SLC4A5: variants seen among roughly 807,000 people sequenced by gnomAD.
SLC4A5 encodes the protein solute carrier family 4 member 5, also known as electrogenic sodium bicarbonate cotransporter 4.
Under a neutral mutation model 120.4 loss-of-function variants are expected in SLC4A5, and 96 were observed. The observed-to-expected ratio is 0.80, with a 90% CI of 0.68 to 0.94. SLC4A5 has a LOEUF of 0.94. Among genes scored for constraint, SLC4A5 ranks in the 40% least tolerant of loss-of-function variants. The pLI, the probability that SLC4A5 is intolerant of heterozygous loss-of-function variation, is 0.00. For missense variants in SLC4A5, 1,259 were observed against 1,459.5 expected, an observed-to-expected ratio of 0.86 and a Z score of 2.24; for synonymous variants, 550 against 571.1, an observed-to-expected ratio of 0.96 and a Z score of 0.53.
chr2:74,288,402 T>C (rs1672053017), intron 7 of SLC4A5, among the ~76,000 whole-genome samples: 1 of 152,194 alleles, frequency 6.6e-6, no homozygotes, highest in Non-Finnish European at 1.5e-5. Context: ...AATAAGCTAA[T>C]AAAATCAATC....
rs897150809 is a variant in SLC4A5 at position 74,253,687 on chromosome 2, T to A, written c.1114-559A>T. ...TCTTTGAGGCCGAAGCAAATCTGAC[T>A]GATTTTCAATGTGAAAATGCAATAT... is the stretch of plus-strand genomic sequence containing the variant. On this transcript the variant is annotated intron_variant, in intron 14 of 30. Coordinates refer to ENST00000394019, the Ensembl canonical transcript of SLC4A5. 3.3e-5 allele frequency among the ~76,000 whole-genome samples: 5 copies of A among 152,224 alleles called. No homozygotes were observed. In the South Asian group the frequency reaches 1.0e-3, roughly 31 times the overall value.
intron 8 of SLC4A5, among the ~76,000 whole-genome samples, chr2:74,274,769 G>A (rs980804557): frequency 1.3e-5 from 2 of 152,342 alleles, no homozygotes; most frequent in South Asian, 2.1e-4. Flanking sequence ...ATTTACAATC[G>A]TTATAGGGGT....
exon 16 of SLC4A5, chr2:74,252,259 CCCGCCACTGCCAGCCCCG>C (rs776315201): frequency 4.5e-5 from 72 of 1,609,402 alleles, no homozygotes; most frequent in Non-Finnish European, 5.8e-5. Flanking sequence ...TTCCGCCGGC[CCCGCCACTGCCAGCCCCG>C]CCGCCACTGC....
At chr2:74,279,166 T>C (rs1224228074) in intron 8 of SLC4A5, among the ~76,000 whole-genome samples, 1 of 152,228 alleles carries the variant, frequency 6.6e-6, no homozygotes, top group Admixed American at 6.5e-5. Context: ...GCCCATGTTC[T>C]CCTTAAGAGG....
exon 19 of SLC4A5, chr2:74,247,150 T>C: frequency 1.9e-6 from 3 of 1,614,174 alleles, no homozygotes; most frequent in Non-Finnish European, 1.7e-6. Flanking sequence ...GCATCGTAGA[T>C]GAAGATGAAG....
chr2:74,303,109 TGTGTGTGC>T (rs535821223), intron 7 of SLC4A5, among the ~76,000 whole-genome samples: 11 of 151,452 alleles, frequency 7.3e-5, no homozygotes, highest in Admixed American at 2.0e-4. Flanking sequence ...GCATGTGGTG[TGTGTGTGC>T]GTGTGTGTGT....
exon 31 of SLC4A5, chr2:74,218,121 T>C (rs1572994696): frequency 6.6e-6 from 1 of 152,202 alleles, no homozygotes; most frequent in East Asian, 1.9e-4. Flanking sequence ...ACTTTTCATA[T>C]AACCCTTAGG....
chr2:74,236,552 C>T (rs912980398), intron 21 of SLC4A5, among the ~76,000 whole-genome samples: 2 of 152,136 alleles, frequency 1.3e-5, no homozygotes, highest in Non-Finnish European at 2.9e-5. Context: ...AAACACATGG[C>T]TTGTGTGTTT....
chr2:74,254,955 G>A (rs1431644086), intron 13 of SLC4A5, among the ~76,000 whole-genome samples: 1 of 152,024 alleles, frequency 6.6e-6, no homozygotes, highest in African/African-American at 2.4e-5. Flanking sequence ...GAGTAGCTGG[G>A]ACTACAGGCG....
chr2:74,310,709 T>G (rs967321088), intron 6 of SLC4A5, among the ~76,000 whole-genome samples: 2 of 152,140 alleles, frequency 1.3e-5, no homozygotes, highest in African/African-American at 4.8e-5. Context: ...CTGCTAGCAT[T>G]TTGTTGAGGA....
chr2:74,299,872 C>T (rs1441688841), intron 7 of SLC4A5, among the ~76,000 whole-genome samples: 1 of 152,188 alleles, frequency 6.6e-6, no homozygotes, highest in Non-Finnish European at 1.5e-5. Context: ...TCTGGGTATA[C>T]ACCCAAAGGA....
At chr2:74,247,343 C>T in intron 18 of SLC4A5, 36 bp from the exon 19 acceptor site, 1 of 1,592,770 alleles carries the variant, frequency 6.3e-7, no homozygotes, top group Non-Finnish European at 8.6e-7. Context: ...GCCTCCAGCC[C>T]AGGGCTCCTG....
intron 4 of SLC4A5, among the ~76,000 whole-genome samples, chr2:74,330,850 G>A (rs1211319182): frequency 7.8e-6 from 1 of 127,818 alleles, no homozygotes; most frequent in Non-Finnish European, 1.7e-5. Context: ...TATGGTGTAG[G>A]TGTAGGTGGT....
chr2:74,262,043 T>A, intron 11 of SLC4A5, 94 bp downstream of exon 11: 2 of 1,161,596 alleles, frequency 1.7e-6, no homozygotes, highest in Non-Finnish European at 2.4e-6. Flanking sequence ...TGGCAGATCC[T>A]GGGCTTTGTC....
intron 25 of SLC4A5, among the ~76,000 whole-genome samples, chr2:74,228,677 C>CA (rs148144810): frequency 0.025 from 2,585 of 102,446 alleles, 76 homozygotes; most frequent in African/African-American, 0.07. Flanking sequence ...CCAAAAAAAC[C>CA]AAAAAAAAAC....
Position 74,221,495 on chromosome 2 carries a change from C to CT in SLC4A5, c.3337dup (p.Arg1113LysfsTer50). The CT allele has an allele frequency of 6.2e-7, 1 of 1,614,010 alleles. No individual in the cohort carries two copies. Among genetic ancestry groups the CT allele is most frequent in the Non-Finnish European group, 8.5e-7 (1 of 1,179,858 alleles). On this transcript the variant is annotated frameshift_variant, in exon 30 of 31. Transcript: ENST00000394019. LOFTEE classifies it high-confidence loss of function. ...GAGTGAGTAACTCCAACTGGAAGATCTTTTTCCTGGCAGGAAAATGAAAAA... is the reference window on the plus strand; with the variant it reads ...GAGTGAGTAACTCCAACTGGAAGATCTTTTTTCCTGGCAGGAAAATGAAAAA...
In SLC4A5 at chr2:74,227,941, T is replaced by G; in HGVS notation, c.2848-63A>C. On this transcript the variant is annotated intron_variant, in intron 25 of 30. Coordinates refer to ENST00000394019, the Ensembl canonical transcript of SLC4A5. ...GGGGCGGCCCTTGGCCACCCTGTTC[T>G]GGATGACAGTGGCTCCTGACCACAG... 5 of 1,251,060 alleles carry G rather than the reference T, an allele frequency of 4.0e-6. 1 individual carries two copies. The South Asian group carries it at 7.5e-5, about 19-fold the overall frequency. The allele number at this position is 1,251,060 out of a possible 1,614,324, so 77.5% of individuals were successfully genotyped here. A position where few individuals can be genotyped will look rare whatever the true frequency, so the allele number is the denominator to read the frequency against.
exon 23 of SLC4A5, chr2:74,233,529 G>C (rs138829527): frequency 3.0e-5 from 49 of 1,613,880 alleles, no homozygotes; most frequent in Non-Finnish European, 3.9e-5. Context: ...CTTCCCAAAG[G>C]GGGCCACGAA....
At chr2:74,243,429 CA>C (rs1268384060) in intron 19 of SLC4A5, among the ~76,000 whole-genome samples, 2 of 152,200 alleles carry the variant, frequency 1.3e-5, no homozygotes, top group African/African-American at 4.8e-5. Flanking sequence ...CATCTTGACC[CA>C]GGGCAGAATA....
Sources: gnomAD v4.1 joint callset for allele counts (sites outside exome capture counted in the v4.1 genomes callset) on GRCh38, gnomAD v4.1.1 for gene constraint, MANE v1.5 for transcripts, NCBI Gene and HGNC (gene_info 2026-07-23, HGNC 2026-07-21) for gene names.